The following FAT4 variants were observed in gnomAD, a reference collection of about 807,000 sequenced individuals.
The protein encoded by FAT4 is FAT atypical cadherin 4.
FAT4 carries 84 observed loss-of-function variants against 303.9 expected under a neutral mutation model. The observed-to-expected ratio is 0.28, with a 90% confidence interval of 0.23 to 0.33. The LOEUF (loss-of-function observed/expected upper bound fraction) is 0.33, where lower values mean the gene tolerates loss of function less well. Ranked by LOEUF, FAT4 falls within the 10% of genes least tolerant of loss-of-function variation. FAT4 has a pLI of 1.00. For missense variants in FAT4, 6,005 were observed against 6,146.8 expected (o/e 0.98, Z 0.77); for synonymous variants, 2,307 against 2,298.8 (o/e 1.00, Z -0.10).
At position 125,317,233 on chromosome 4, in the gene FAT4, G is replaced by C. The variant is rs779123083; in HGVS notation, c.822G>C (p.Ala274=). 1 of 1,579,956 alleles carries C rather than the reference G, an allele frequency of 6.3e-7. No homozygotes were observed. Among genetic ancestry groups the C allele is most frequent in the Non-Finnish European group, 8.6e-7 (1 of 1,160,426 alleles). ...GTTCCAGCGTCCTCCAGGTGGCGGC[G>C]GCGGACGCGGACGAGGGCACCAACG... ...VVGSSVLQVA[A]ADADEGTNAD... Residue 274 remains alanine (A), a synonymous_variant, in exon 2 of 18, where the codon GCG becomes GCC. Transcript: ENST00000394329. This position sits in a 1 kb window ranked among gnomAD's most constrained non-coding sequence, Gnocchi z 7.0.
chr4:125,321,637 T>A, intron 2 of FAT4, 51 bp downstream of exon 2: 1 of 1,497,760 alleles, frequency 6.7e-7, no homozygotes, highest in Non-Finnish European at 9.0e-7. Context: ...TTTAGAAAAA[T>A]CATTCTCTTT....
intron 2 of FAT4, among the ~76,000 whole-genome samples, chr4:125,384,048 A>G (rs1374679042): frequency 2.0e-5 from 3 of 152,192 alleles, no homozygotes; most frequent in African/African-American, 7.2e-5. Flanking sequence ...GTATGAATAT[A>G]TCACATTTTG....
intron 2 of FAT4, among the ~76,000 whole-genome samples, chr4:125,379,652 GT>G (rs1271772579): frequency 1.3e-5 from 2 of 151,778 alleles, no homozygotes; most frequent in African/African-American, 4.8e-5. Context: ...TGGAGACATG[GT>G]TTCACCATGT....
chr4:125,408,422 TATTA>T lies in FAT4; in HGVS notation c.5570-18_5570-15del, dbSNP rs1734706481. 1 of 1,461,216 alleles carries T rather than the reference TATTA, an allele frequency of 6.8e-7. No individual in the cohort carries two copies. Among genetic ancestry groups the T allele is most frequent in the East Asian group, 2.3e-5 (1 of 43,930 alleles). 90.5% of individuals were successfully genotyped at this position (1,461,216 alleles called of 1,614,324 possible). On this transcript the variant is annotated intron_variant, in intron 4 of 17. Transcript: ENST00000394329. The stretch of plus-strand genomic sequence containing the variant: ...ACTTCTTACTTCCTTGATTTTATAC[TATTA>T]ATTTATTCTTTTGATAGGTTCTTTG...
intron 2 of FAT4, among the ~76,000 whole-genome samples, chr4:125,322,407 T>C (rs1310852390): frequency 6.6e-6 from 1 of 152,216 alleles, no homozygotes; most frequent in Non-Finnish European, 1.5e-5. Context: ...TTTAGGCTAC[T>C]GCCTCCTTGT....
chr4:125,491,385 T>C lies in FAT4; in HGVS notation c.14569T>C (p.Tyr4857His). The change falls in exon 18 of 18, where the codon TAT (tyrosine) becomes CAT (histidine). Residue 4857 changes from tyrosine to histidine, a missense_variant. By Grantham distance (83) the Tyr-to-His change is moderately conservative (BLOSUM62 2). Transcript: ENST00000394329. ...HESFTCSEME[Y>H]DREKPMVYTS... ...ATCTTTCACTTGCTCAGAAATGGAA[T>C]ATGACAGGGAGAAGCCAATGGTATA... The C allele has an allele frequency of 6.2e-7, 1 of 1,614,158 alleles. No individual in the cohort carries two copies.
chr4:125,455,908 A>G (rs1726262298), intron 10 of FAT4, among the ~76,000 whole-genome samples: 1 of 152,226 alleles, frequency 6.6e-6, no homozygotes, highest in African/African-American at 2.4e-5. Context: ...AAAATCTTCA[A>G]ACTGGCTAAG....
Position 125,320,775 on chromosome 4 carries a change from T to C in FAT4, c.4364T>C (p.Leu1455Pro). 6.2e-7 allele frequency: 1 copy of C among 1,614,158 alleles called. No homozygotes were observed. The highest frequency in any genetic ancestry group is 1.1e-5 in the South Asian group (1 of 91,082). ...HDPDADINGQ[L>P]SYTIIQQMPR... ...CCTGATGCAGACATTAATGGTCAAC[T>C]ATCCTACACAATCATTCAACAGATG... The change falls in exon 2 of 18, where the codon CTA becomes CCA. Residue 1455 changes from leucine to proline, a missense_variant. Coordinates refer to ENST00000394329, the MANE Select transcript of FAT4 (RefSeq NM_001291303.3).
chr4:125,367,651 T>C (rs1428995246), intron 2 of FAT4, among the ~76,000 whole-genome samples: 1 of 152,156 alleles, frequency 6.6e-6, no homozygotes, highest in Non-Finnish European at 1.5e-5. Context: ...CATAGAAAGT[T>C]AAGTTATTCA....
rs535473956 is a variant in FAT4, at chr4:125,468,308, G to A, written c.11906-204G>A. ...TAGACAATGAAAAATAATTACATCA[G>A]TTAATCATTTCTGCCATGTTTTAAA... On this transcript the variant is annotated intron_variant, in intron 11 of 17. Transcript: ENST00000394329. Among the ~76,000 whole-genome samples, 7 of 151,992 alleles carry A rather than the reference G, an allele frequency of 4.6e-5. 1 individual carries two copies. The South Asian group carries it at 1.5e-3, about 32-fold the overall frequency.
rs375824375 is a variant in FAT4 at position 125,321,014 on chromosome 4, C to G, written c.4603C>G (p.Leu1535Val). 5 of 1,614,164 alleles carry G rather than the reference C, an allele frequency of 3.1e-6. No homozygotes were observed. Among genetic ancestry groups the G allele is most frequent in the Non-Finnish European group, 4.2e-6 (5 of 1,180,010 alleles). Residue 1535 changes from leucine (L) to valine (V), a missense_variant, in exon 2 of 18, where the codon CTT becomes GTT. Leu to Val is a conservative substitution (Grantham distance 32). Coordinates refer to ENST00000394329, the MANE Select transcript of FAT4 (RefSeq NM_001291303.3). ...NVPMFISQNA[L>V]AADPSAVIGS... is the part of the protein sequence containing the mutation. Reference sequence around the variant, plus strand: ...CCCAATGTTTATATCACAAAACGCCCTTGCTGCAGACCCATCAGCTGTGAT... The same window carrying G: ...CCCAATGTTTATATCACAAAACGCCGTTGCTGCAGACCCATCAGCTGTGAT...
intron 2 of FAT4, among the ~76,000 whole-genome samples, chr4:125,342,703 G>T (rs1275224052): frequency 6.6e-6 from 1 of 151,380 alleles, no homozygotes. Context: ...CATCATATAT[G>T]TTTGAATTTT....
chr4:125,473,641 G>A (rs1170963264), intron 12 of FAT4, among the ~76,000 whole-genome samples: 3 of 151,926 alleles, frequency 2.0e-5, no homozygotes, highest in African/African-American at 7.2e-5. Flanking sequence ...ACATATGTAA[G>A]ATAACCATAT....
chr4:125,415,785 A>G lies in FAT4; in HGVS notation c.6822A>G (p.Thr2274=). The G allele has an allele frequency of 6.2e-7, 1 of 1,611,350 alleles. No homozygotes were observed. The highest frequency in any genetic ancestry group is 2.2e-5 in the East Asian group (1 of 44,802). Residue 2274 remains threonine, a synonymous_variant, in exon 6 of 18, where the codon ACA becomes ACG. Coordinates refer to ENST00000394329, the MANE Select transcript of FAT4 (RefSeq NM_001291303.3). ...YSVNVPENLG[T]LPRTILQVVA... ...TAAATGTCCCTGAGAATTTAGGGAC[A>G]CTACCCAGAACAATTCTTCAGGTCA...
chr4:125,466,690 A>G (rs1034023790), intron 11 of FAT4, among the ~76,000 whole-genome samples: 8 of 150,764 alleles, frequency 5.3e-5, no homozygotes, highest in Admixed American at 4.6e-4. Context: ...GACATAACAT[A>G]TATATCAATA....
chr4:125,475,731 G>A (rs941592008), intron 12 of FAT4, among the ~76,000 whole-genome samples: 1 of 151,886 alleles, frequency 6.6e-6, no homozygotes, highest in Non-Finnish European at 1.5e-5. Flanking sequence ...TGTAAATGTG[G>A]CTGAAATCAT....
chr4:125,490,897 G>T lies in FAT4; in HGVS notation c.14081G>T (p.Cys4694Phe). ...ACCAGCTCCCTAAGCCACTCAGCAT[G>T]CCCAACTCCCAACCCTCTGTCTCGA... Reference protein sequence around the residue: ...LRTSSLSHSACPTPNPLSRHS... With the variant: ...LRTSSLSHSAFPTPNPLSRHS... The change falls in exon 18 of 18, where the codon TGC becomes TTC. Residue 4694 changes from cysteine (C) to phenylalanine (F), a missense_variant. Physicochemically the swap from Cys to Phe is radical, Grantham distance 205 (BLOSUM62 -2). Coordinates refer to ENST00000394329, the MANE Select transcript of FAT4 (RefSeq NM_001291303.3). The T allele has an allele frequency of 1.2e-6, 2 of 1,614,184 alleles. No homozygotes were observed. Among genetic ancestry groups the T allele is most frequent in the Non-Finnish European group, 1.7e-6 (2 of 1,180,040 alleles).
At chr4:125,397,608 A>G (rs1734233808) in intron 2 of FAT4, among the ~76,000 whole-genome samples, 2 of 152,146 alleles carry the variant, frequency 1.3e-5, no homozygotes, top group Non-Finnish European at 2.9e-5. Flanking sequence ...TAGAGGTATA[A>G]CAATTATTTA....
At chr4:125,455,468 T>C (rs1230218148) in intron 10 of FAT4, among the ~76,000 whole-genome samples, 2 of 152,334 alleles carry the variant, frequency 1.3e-5, no homozygotes, top group South Asian at 2.1e-4. Context: ...TAAAGCACTT[T>C]TTAAATCTCC....
Sources: allele counts gnomAD v4.1 joint callset (sites outside exome capture counted in the v4.1 genomes callset), GRCh38; gene constraint gnomAD v4.1.1; non-coding constraint Gnocchi (gnomAD v3.1); transcripts MANE v1.5; gene names NCBI Gene and HGNC (gene_info 2026-07-23, HGNC 2026-07-21).